The following C10orf90 variants were observed in gnomAD, a reference collection of about 807,000 sequenced individuals.
C10orf90 encodes chromosome 10 open reading frame 90, also known as (E2-independent) E3 ubiquitin-conjugating enzyme FATS.
Under a neutral mutation model 62.5 loss-of-function variants are expected in C10orf90, and 56 were observed. That is an observed-to-expected ratio of 0.90 (90% CI 0.72 to 1.12). The LOEUF is 1.12. C10orf90 is among the 50% of genes most tolerant of loss of function. The probability of loss-of-function intolerance (pLI) is 0.00; values close to 1 mark genes in which losing one functional copy is unlikely to be tolerated. For missense variants in C10orf90, 970 were observed against 880.4 expected (o/e 1.10, Z -1.29); for synonymous variants, 386 against 340.4 (o/e 1.13, Z -1.47).
chr10:126,597,319 T>C lies in C10orf90; in HGVS notation c.313+49246A>G, dbSNP rs143238017. 4.5e-3 allele frequency among the ~76,000 whole-genome samples: 686 copies of C among 152,240 alleles called. 4 individuals carry two copies. Among genetic ancestry groups the C allele is most frequent in the African/African-American group, 0.016 (657 of 41,534 alleles). On this transcript the variant is annotated intron_variant, in intron 2 of 9. Transcript: ENST00000488181. ...TGTAATGGAGAGTAGTACTCAGCAA[T>C]AGAAAGGAATGAATGGATATTCCAG...
chr10:126,428,728 G>C (rs1393107984), intron 8 of C10orf90, among the ~76,000 whole-genome samples: 1 of 152,130 alleles, frequency 6.6e-6, no homozygotes, highest in Non-Finnish European at 1.5e-5. Flanking sequence ...GGAGGATTTG[G>C]CTGAAATTTT....
At chr10:126,477,928 A>G (rs1383803135) in intron 4 of C10orf90, among the ~76,000 whole-genome samples, 1 of 152,216 alleles carries the variant, frequency 6.6e-6, no homozygotes, top group African/African-American at 2.4e-5. Context: ...GAGATAGGTC[A>G]TCAGCTGCTC....
chr10:126,455,576 C>T (rs965993361), intron 7 of C10orf90, among the ~76,000 whole-genome samples: 3 of 152,206 alleles, frequency 2.0e-5, no homozygotes, highest in Non-Finnish European at 4.4e-5. Context: ...CCTTCTGTCA[C>T]TGCTAGAGAC....
At chr10:126,519,419 C>G (rs1863622016) in intron 2 of C10orf90, among the ~76,000 whole-genome samples, 1 of 152,174 alleles carries the variant, frequency 6.6e-6, no homozygotes, top group African/African-American at 2.4e-5. Context: ...TCGATCCACC[C>G]AAGAAATGTG....
At chr10:126,437,253 CA>C (rs1857981630) in intron 7 of C10orf90, among the ~76,000 whole-genome samples, 1 of 152,174 alleles carries the variant, frequency 6.6e-6, no homozygotes, top group African/African-American at 2.4e-5. Flanking sequence ...TTGTGGTTCT[CA>C]AAGGAGGGAT....
At chr10:126,489,119 AT>A (rs1861586745) in intron 4 of C10orf90, among the ~76,000 whole-genome samples, 1 of 152,154 alleles carries the variant, frequency 6.6e-6, no homozygotes, top group Admixed American at 6.5e-5. Context: ...AATAAAAAAA[AT>A]CCCCCAAAAT....
intron 1 of C10orf90, among the ~76,000 whole-genome samples, chr10:126,660,414 G>T (rs184243976): frequency 4.6e-4 from 70 of 152,296 alleles, no homozygotes; most frequent in Non-Finnish European, 8.1e-4. Flanking sequence ...AGCAAACAAC[G>T]TATTGTGAGC....
intron 7 of C10orf90, among the ~76,000 whole-genome samples, chr10:126,436,869 G>A (rs182540058): frequency 1.3e-5 from 2 of 152,120 alleles, no homozygotes; most frequent in East Asian, 3.9e-4. Flanking sequence ...TCACTTTGTT[G>A]CCCAAGATGG....
chr10:126,599,908 AAAGG>A (rs1192956324), intron 2 of C10orf90, among the ~76,000 whole-genome samples: 2 of 152,240 alleles, frequency 1.3e-5, no homozygotes. Flanking sequence ...TGAAACACAA[AAAGG>A]AAGAAGAGAG....
intron 4 of C10orf90, among the ~76,000 whole-genome samples, chr10:126,479,071 T>C (rs1177559060): frequency 1.3e-5 from 2 of 152,056 alleles, no homozygotes; most frequent in Non-Finnish European, 2.9e-5. Context: ...GAGAAGCATA[T>C]AGTGAGATTT....
intron 2 of C10orf90, among the ~76,000 whole-genome samples, chr10:126,560,363 A>C (rs1377395138): frequency 6.6e-6 from 1 of 152,184 alleles, no homozygotes; most frequent in East Asian, 1.9e-4. Flanking sequence ...ACTTTGCTGA[A>C]GGTTCGAGGC....
chr10:126,654,701 C>T (rs1276634430), intron 1 of C10orf90, among the ~76,000 whole-genome samples: 1 of 152,232 alleles, frequency 6.6e-6, no homozygotes, highest in Non-Finnish European at 1.5e-5. Flanking sequence ...AGCTTTCAGC[C>T]TGACTGGGCT....
intron 4 of C10orf90, 67 bp downstream of exon 4, chr10:126,503,890 C>G: frequency 6.6e-7 from 1 of 1,524,052 alleles, no homozygotes; most frequent in Non-Finnish European, 8.8e-7. Context: ...ATAAGAAATT[C>G]ACTCAACAGT....
intron 2 of C10orf90, among the ~76,000 whole-genome samples, chr10:126,574,551 AAAT>A (rs1465847567): frequency 2.6e-5 from 4 of 152,068 alleles, no homozygotes; most frequent in African/African-American, 9.7e-5. Flanking sequence ...TAATATGTAA[AAAT>A]AATAATATAT....
chr10:126,580,434 T>G (rs1354699905), intron 2 of C10orf90, among the ~76,000 whole-genome samples: 1 of 152,080 alleles, frequency 6.6e-6, no homozygotes, highest in South Asian at 2.1e-4. Flanking sequence ...GGCAGGTGGA[T>G]CACAGTCAGG....
chr10:126,436,599 G>A (rs1396614047), intron 7 of C10orf90, among the ~76,000 whole-genome samples: 1 of 152,092 alleles, frequency 6.6e-6, no homozygotes, highest in Non-Finnish European at 1.5e-5. Flanking sequence ...ATGTGCTTTG[G>A]GACAAGCTAC....
chr10:126,568,139 C>CA (rs574434429), intron 2 of C10orf90, among the ~76,000 whole-genome samples: 1 of 152,064 alleles, frequency 6.6e-6, no homozygotes, highest in African/African-American at 2.4e-5. Flanking sequence ...TGCTGTCTAA[C>CA]AAAAAACCAC....
intron 1 of C10orf90, among the ~76,000 whole-genome samples, chr10:126,648,929 C>T (rs1027804115): frequency 6.6e-6 from 1 of 152,126 alleles, no homozygotes; most frequent in East Asian, 1.9e-4. Flanking sequence ...GCTCCTGATG[C>T]ACCACGTAGT....
At chr10:126,645,752 G>A (rs1846157845) in intron 2 of C10orf90, among the ~76,000 whole-genome samples, 1 of 152,136 alleles carries the variant, frequency 6.6e-6, no homozygotes, top group African/African-American at 2.4e-5. Context: ...GGCAGGTGGT[G>A]GAGAGAAGAT....
Sources: allele counts gnomAD v4.1 joint callset (sites outside exome capture counted in the v4.1 genomes callset), GRCh38; gene constraint gnomAD v4.1.1; transcripts MANE v1.5; gene names NCBI Gene and HGNC (gene_info 2026-07-23, HGNC 2026-07-21).